Variants in ZFAT observed in about 807,000 individuals in gnomAD.
ZFAT encodes the protein zinc finger and AT-hook domain containing.
ZFAT carries 64 observed loss-of-function variants against 117.7 expected under a neutral mutation model. The ratio of observed to expected loss-of-function variants is 0.54; its 90% CI spans 0.44 to 0.67. The LOEUF is 0.67. Among genes scored for constraint, ZFAT ranks in the 30% least tolerant of loss-of-function variants. The pLI is 0.00. For missense variants in ZFAT, 1,433 were observed against 1,584.5 expected (o/e 0.90, Z 1.62); for synonymous variants, 679 against 615.0 (o/e 1.10, Z -1.54).
At chr8:134,742,144 T>G in the ZFAT span, among the ~76,000 whole-genome samples, 1 of 149,672 alleles carries the variant, frequency 6.7e-6, no homozygotes, top group Non-Finnish European at 1.5e-5. Flanking sequence ...CATTTATTTA[T>G]TGCTGTGTCA....
chr8:134,659,213 G>T (rs560918732), intron 1 of ZFAT, among the ~76,000 whole-genome samples: 1 of 152,180 alleles, frequency 6.6e-6, no homozygotes, highest in Non-Finnish European at 1.5e-5. Flanking sequence ...CTCAACAGCT[G>T]ACCTTGCTTC....
the ZFAT span, among the ~76,000 whole-genome samples, chr8:134,726,980 A>C: frequency 6.6e-6 from 1 of 152,078 alleles, no homozygotes; most frequent in African/African-American, 2.4e-5. Context: ...GAGACAGTTT[A>C]GCAACCATCT....
At chr8:134,773,984 A>ATTTTTTTTT in the ZFAT span, among the ~76,000 whole-genome samples, 123 of 103,270 alleles carry the variant, frequency 1.2e-3, 3 homozygotes, top group African/African-American at 4.7e-3. Context: ...TTGAGGATTA[A>ATTTTTTTTT]TTTTTTTTTT....
chr8:134,755,623 C>T, the ZFAT span, among the ~76,000 whole-genome samples: 107 of 151,650 alleles, frequency 7.1e-4, no homozygotes, highest in African/African-American at 2.6e-3. Flanking sequence ...ACCAGCCTGT[C>T]CAACATGGTG....
At chr8:134,806,208 A>G in the ZFAT span, among the ~76,000 whole-genome samples, 2 of 152,148 alleles carry the variant, frequency 1.3e-5, no homozygotes, top group African/African-American at 4.8e-5. Flanking sequence ...TCCTAATACC[A>G]AATTTTTTGA....
the ZFAT span, among the ~76,000 whole-genome samples, chr8:134,754,911 C>T: frequency 1.3e-5 from 2 of 152,254 alleles, no homozygotes; most frequent in East Asian, 1.9e-4. Context: ...TTGGCCAACA[C>T]ACGCAGTCAA....
In ZFAT at chr8:134,536,306, T is replaced by C. The variant is rs181295397; in HGVS notation, c.2977-3334A>G. Among the ~76,000 whole-genome samples, 53 of 152,338 alleles carry C rather than the reference T, an allele frequency of 3.5e-4. 1 individual carries two copies. In the South Asian group the frequency reaches 7.9e-3, roughly 23 times the overall value. ...GTAGCCTCTCTAGCAGTCTGCTATC[T>C]ACTTAGCCTCTGCTTTGATGCAGGG... On this transcript the variant is annotated intron_variant, in intron 11 of 15. Coordinates refer to ENST00000377838, the MANE Select transcript of ZFAT (RefSeq NM_020863.4).
At chr8:134,530,848 A>G (rs1447217927) in intron 12 of ZFAT, among the ~76,000 whole-genome samples, 2 of 152,244 alleles carry the variant, frequency 1.3e-5, no homozygotes, top group African/African-American at 4.8e-5. Context: ...ATTAGTTATT[A>G]TAAGTAATCT....
Position 134,520,979 on chromosome 8 carries a change from G to A in ZFAT, c.3138C>T (p.Cys1046=), listed in dbSNP as rs753619931. 3 of 1,613,540 alleles carry A rather than the reference G, an allele frequency of 1.9e-6. No individual in the cohort carries two copies. Among genetic ancestry groups the A allele is most frequent in the African/African-American group, 1.3e-5 (1 of 74,964 alleles). ...IQQGGLKCPV[C]SFVYGTKWEF... is the part of the protein sequence containing the mutation. The stretch of plus-strand genomic sequence containing the variant: ...CCCATTTGGTGCCATATACAAAGCT[G>A]CAAACAGGACACTTCAAACCACCTG... Residue 1046 remains cysteine, a synonymous_variant, in exon 13 of 16, where the codon TGC becomes TGT. Coordinates refer to ENST00000377838, the MANE Select transcript of ZFAT (RefSeq NM_020863.4).
At chr8:134,500,496 T>A (rs1433901167) in intron 15 of ZFAT, among the ~76,000 whole-genome samples, 2 of 152,200 alleles carry the variant, frequency 1.3e-5, no homozygotes, top group African/African-American at 2.4e-5. Context: ...CCATTTCTCA[T>A]ATGGCCACAG....
chr8:134,480,335 C>G (rs547604891), intron 15 of ZFAT, among the ~76,000 whole-genome samples: 2 of 152,346 alleles, frequency 1.3e-5, no homozygotes, highest in Admixed American at 6.5e-5. Context: ...TTCTTTCACT[C>G]TACAGAACTT....
chr8:134,590,745 C>G (rs967719892), intron 7 of ZFAT, among the ~76,000 whole-genome samples: 1 of 151,292 alleles, frequency 6.6e-6, no homozygotes. Flanking sequence ...ACCACCACCA[C>G]CAGCACTATC....
the ZFAT span, among the ~76,000 whole-genome samples, chr8:134,829,198 G>A: frequency 6.6e-6 from 1 of 152,208 alleles, no homozygotes; most frequent in African/African-American, 2.4e-5. Context: ...CCATGGCCCA[G>A]GACAGCTTTG....
chr8:134,638,499 A>G (rs1024770690), intron 2 of ZFAT, among the ~76,000 whole-genome samples: 1 of 149,466 alleles, frequency 6.7e-6, no homozygotes, highest in Non-Finnish European at 1.5e-5. Flanking sequence ...AGGTCAGGAG[A>G]TCGAGACTAT....
chr8:134,538,478 A>C (rs1423820650), intron 11 of ZFAT, among the ~76,000 whole-genome samples: 1 of 152,166 alleles, frequency 6.6e-6, no homozygotes, highest in African/African-American at 2.4e-5. Flanking sequence ...TTTTTCCAAA[A>C]TGTGGCATCA....
intron 1 of ZFAT, among the ~76,000 whole-genome samples, chr8:134,703,818 T>C (rs539349540): frequency 6.6e-6 from 1 of 152,268 alleles, no homozygotes; most frequent in South Asian, 2.1e-4. Flanking sequence ...TTCTCCCAGA[T>C]ACTATTAAAA....
rs149994356 is a variant in ZFAT at position 134,712,191 on chromosome 8, C to T, written c.19+654G>A. On this transcript the variant is annotated intron_variant, in intron 1 of 15. Transcript: ENST00000377838. ...TTAATTTTTAAAGCCCCAGCTCTGT[C>T]GTTTTTAAACTGTGTAAAGTTGACC... Among the ~76,000 whole-genome samples, 333 of 152,292 alleles carry T rather than the reference C, an allele frequency of 2.2e-3. 2 individuals carry two copies. The highest frequency in any genetic ancestry group is 7.2e-3 in the African/African-American group (300 of 41,568).
the ZFAT span, among the ~76,000 whole-genome samples, chr8:134,819,882 G>T: frequency 1.3e-5 from 2 of 151,696 alleles, no homozygotes; most frequent in East Asian, 3.9e-4. Flanking sequence ...AAAAAAAAAA[G>T]ATTCCTTTTG....
chr8:134,625,976 C>T (rs1053771279), intron 3 of ZFAT, among the ~76,000 whole-genome samples: 5 of 152,220 alleles, frequency 3.3e-5, no homozygotes, highest in African/African-American at 1.2e-4. Context: ...ACTCCCTTTG[C>T]CTCCAGACAC....
Sources: gnomAD v4.1 joint callset for allele counts (sites outside exome capture counted in the v4.1 genomes callset) on GRCh38, gnomAD v4.1.1 for gene constraint, MANE v1.5 for transcripts, NCBI Gene and HGNC (gene_info 2026-07-23, HGNC 2026-07-21) for gene names.